Variants in PDE11A observed in about 807,000 individuals in gnomAD.
The protein encoded by PDE11A is phosphodiesterase 11A, also known as dual 3',5'-cyclic-AMP and -GMP phosphodiesterase 11A.
PDE11A carries 100 observed loss-of-function variants against 100.5 expected under a neutral mutation model. The ratio of observed to expected loss-of-function variants is 1.00; its 90% CI spans 0.85 to 1.18. PDE11A has a LOEUF of 1.18. PDE11A is among the 50% of genes most tolerant of loss of function. The pLI, the probability that PDE11A is intolerant of heterozygous loss-of-function variation, is 0.00. For missense variants in PDE11A, 1,141 were observed against 1,152.6 expected (o/e 0.99, Z 0.15); for synonymous variants, 381 against 420.8 (o/e 0.91, Z 1.16).
Position 177,625,544 on chromosome 2 carries a change from G to A in PDE11A, c.*3863C>T, listed in dbSNP as rs954661509. On this transcript the variant is annotated 3_prime_UTR_variant, in exon 20 of 20. Transcript: ENST00000286063. ...CATAGTGACTAGTAAGAATAAATAT[G>A]TCTGAAAAAAATACATCTCATCGAA... 2 of 152,170 alleles carry A rather than the reference G, an allele frequency of 1.3e-5. No homozygotes were observed. The highest frequency in any genetic ancestry group is 4.8e-5 in the African/African-American group (2 of 41,430). The allele number at this position is 152,170 out of a possible 1,614,324, so 9.4% of individuals were successfully genotyped here. A position where few individuals can be genotyped will look rare whatever the true frequency, so the allele number is the denominator to read the frequency against.
intron 9 of PDE11A, among the ~76,000 whole-genome samples, chr2:177,801,769 A>G (rs950929909): frequency 6.6e-6 from 1 of 152,166 alleles, no homozygotes; most frequent in South Asian, 2.1e-4. Flanking sequence ...AGGAGAAAAC[A>G]GTACAATATA....
intron 19 of PDE11A, among the ~76,000 whole-genome samples, chr2:177,644,844 A>T (rs995291401): frequency 2.6e-5 from 4 of 152,208 alleles, no homozygotes; most frequent in African/African-American, 9.7e-5. Context: ...ATATTGAATA[A>T]GTCTTAGAAA....
At chr2:177,920,032 G>GA (rs2085018089) in intron 2 of PDE11A, among the ~76,000 whole-genome samples, 1 of 151,866 alleles carries the variant, frequency 6.6e-6, no homozygotes, top group East Asian at 1.9e-4. Context: ...TCATCATTTG[G>GA]AAAAAAGCCT....
intron 13 of PDE11A, among the ~76,000 whole-genome samples, chr2:177,711,449 A>C (rs1368524911): frequency 6.6e-6 from 1 of 152,234 alleles, no homozygotes; most frequent in Non-Finnish European, 1.5e-5. Context: ...TGAGAGTAGC[A>C]AGTCCAAGAA....
In PDE11A at chr2:178,072,350, C is replaced by CGAA. The variant is rs765545285; in HGVS notation, c.87_88insTTC (p.Lys29_Gly30insPhe). On this transcript the variant is annotated inframe_insertion, in exon 1 of 20. Transcript: ENST00000286063. ...CACTTTTCAACCATCTCCTGCTTCC[C>CGAA]CTTCCGCATCAAGTAATCTTCAAAC... 4.0e-5 allele frequency: 65 copies of CGAA among 1,614,118 alleles called. No homozygotes were observed. Among genetic ancestry groups the CGAA allele is most frequent in the Non-Finnish European group, 5.2e-5 (61 of 1,180,050 alleles).
intron 2 of PDE11A, among the ~76,000 whole-genome samples, chr2:177,959,827 T>C (rs1367787658): frequency 6.6e-6 from 1 of 152,198 alleles, no homozygotes; most frequent in Non-Finnish European, 1.5e-5. Flanking sequence ...GAAGGTTATA[T>C]ATTATATTTC....
At chr2:177,876,064 CAG>C (rs1276654861) in intron 4 of PDE11A, 141 bp from the exon 5 acceptor site, 2 of 690,038 alleles carry the variant, frequency 2.9e-6, no homozygotes, top group Non-Finnish European at 5.3e-6. Context: ...AATCCCAAGA[CAG>C]AGTAGAAGAG....
At chr2:177,631,668 CAT>C (rs1376254915) in intron 19 of PDE11A, among the ~76,000 whole-genome samples, 2 of 143,136 alleles carry the variant, frequency 1.4e-5, no homozygotes, top group African/African-American at 2.6e-5. Flanking sequence ...TATATATACA[CAT>C]ATATATATGG....
At chr2:177,863,640 G>A (rs115423961) in intron 5 of PDE11A, among the ~76,000 whole-genome samples, 1 of 152,144 alleles carries the variant, frequency 6.6e-6, no homozygotes, top group East Asian at 1.9e-4. Context: ...TCCATTGTGA[G>A]ATACACCTCA....
chr2:178,020,952 T>C (rs868225652), intron 1 of PDE11A, among the ~76,000 whole-genome samples: 2 of 150,670 alleles, frequency 1.3e-5, no homozygotes, highest in Admixed American at 6.6e-5. Flanking sequence ...TGTGTGTGTG[T>C]GTGTGTGTGT....
chr2:177,842,554 A>G (rs1371552357), intron 5 of PDE11A, among the ~76,000 whole-genome samples: 1 of 152,226 alleles, frequency 6.6e-6, no homozygotes. Context: ...CTGTTTAAGA[A>G]TATGGAGCAG....
chr2:178,095,619 AC>A (rs1356138964), intron 2 of PDE11A, among the ~76,000 whole-genome samples: 11 of 151,982 alleles, frequency 7.2e-5, no homozygotes, highest in Non-Finnish European at 1.3e-4. Context: ...CCCAGTAGGG[AC>A]TCTGTGATGG....
rs1384630331 is a variant in PDE11A, at chr2:177,738,058, T to C, written c.1789-9886A>G. Among the ~76,000 whole-genome samples the C allele has an allele frequency of 5.3e-5, 8 of 152,320 alleles. No homozygotes were observed. The South Asian group carries it at 6.2e-4, about 12-fold the overall frequency. On this transcript the variant is annotated intron_variant, in intron 10 of 19. Coordinates refer to ENST00000286063, the MANE Select transcript of PDE11A (RefSeq NM_016953.4). ...CCCTGGTGATTACCTCACACTTAGA[T>C]ACACGTGCACATGGAAATCCAAGAT...
At chr2:177,874,303 G>A (rs536344978) in intron 5 of PDE11A, among the ~76,000 whole-genome samples, 27 of 152,260 alleles carry the variant, frequency 1.8e-4, no homozygotes, top group Non-Finnish European at 3.5e-4. Flanking sequence ...GGGATTAAAT[G>A]CTTATAAATC....
chr2:177,931,775 T>C (rs1041012474), intron 2 of PDE11A, among the ~76,000 whole-genome samples: 10 of 151,210 alleles, frequency 6.6e-5, no homozygotes, highest in East Asian at 1.9e-4. Context: ...CCAAAGCTAG[T>C]AGAAGAAAAG....
rs768524227 is a variant in PDE11A, at chr2:177,627,017, C to CTTTTTTTTTTTTTTTTTTT, written c.*2371_*2389dup. The CTTTTTTTTTTTTTTTTTTT allele has an allele frequency of 7.3e-5, 3 of 40,916 alleles. 1 individual carries two copies. The highest frequency in any genetic ancestry group is 4.3e-4 in the African/African-American group (3 of 6,998). The allele number at this position is 40,916 out of a possible 1,614,324, so 2.5% of individuals were successfully genotyped here. Reference sequence around the variant, plus strand: ...TATTCCCCTCTTAGTCTGGTTTATACTTTTTTTTTTTTTTTTTTTTTTTTT... The same window carrying CTTTTTTTTTTTTTTTTTTT: ...TATTCCCCTCTTAGTCTGGTTTATACTTTTTTTTTTTTTTTTTTTTTTTTTTTTTTTTTTTTTTTTTTTT... On this transcript the variant is annotated 3_prime_UTR_variant, in exon 20 of 20. Coordinates refer to ENST00000286063, the MANE Select transcript of PDE11A (RefSeq NM_016953.4).
At chr2:177,988,080 G>A (rs1249424463) in intron 2 of PDE11A, among the ~76,000 whole-genome samples, 1 of 152,170 alleles carries the variant, frequency 6.6e-6, no homozygotes, top group African/African-American at 2.4e-5. Flanking sequence ...AGTTTTGTGA[G>A]AATCTTCACT....
At chr2:177,979,096 A>C (rs1007766743) in intron 2 of PDE11A, among the ~76,000 whole-genome samples, 1 of 144,602 alleles carries the variant, frequency 6.9e-6, no homozygotes, top group Non-Finnish European at 1.5e-5. Flanking sequence ...AAAAAAAAAG[A>C]AAGAAAATGG....
At chr2:177,742,218 T>C (rs1046169327) in intron 10 of PDE11A, among the ~76,000 whole-genome samples, 5 of 152,008 alleles carry the variant, frequency 3.3e-5, no homozygotes, top group African/African-American at 4.8e-5. Context: ...CCTATCATTA[T>C]ACTCCCTGTA....
Sources: gnomAD v4.1 joint callset for allele counts (sites outside exome capture counted in the v4.1 genomes callset) on GRCh38, gnomAD v4.1.1 for gene constraint, MANE v1.5 for transcripts, NCBI Gene and HGNC (gene_info 2026-07-23, HGNC 2026-07-21) for gene names.